Variants in PRH1 observed in about 807,000 individuals in gnomAD.
PRH1 encodes salivary acidic proline-rich phosphoprotein 1/2.
In PRH1, 7 loss-of-function variants were observed where a neutral mutation model predicts 7.9. The observed-to-expected ratio is 0.89, with a 90% CI of 0.50 to 1.67. The LOEUF (loss-of-function observed/expected upper bound fraction) is 1.67, where lower values mean the gene tolerates loss of function less well. Ranked by LOEUF, PRH1 falls within the 40% of genes most tolerant of loss-of-function variation. The pLI is 0.00. For synonymous variants in PRH1, 45 were observed against 80.8 expected (o/e 0.56, Z 2.38); for missense variants, 109 against 223.6 (o/e 0.49, Z 3.27).
chr12:11,131,083 AC>A (rs1183361065), intron 1 of PRH1, among the ~76,000 whole-genome samples: 1 of 151,234 alleles, frequency 6.6e-6, no homozygotes, highest in African/African-American at 2.4e-5. Flanking sequence ...CCACCAAGGG[AC>A]TGGATGATGT....
chr12:10,970,862 G>A (rs1386426553), intron 2 of PRH1, among the ~76,000 whole-genome samples: 7 of 151,958 alleles, frequency 4.6e-5, no homozygotes, highest in South Asian at 4.2e-4. Context: ...CACTTTGCCC[G>A]GCCCTAAAAT....
At chr12:10,952,324 T>C (rs1251287765) in intron 2 of PRH1, among the ~76,000 whole-genome samples, 1 of 152,172 alleles carries the variant, frequency 6.6e-6, no homozygotes, top group Non-Finnish European at 1.5e-5. Flanking sequence ...AAGGACCACC[T>C]GAAATGAAAT....
At chr12:11,066,009 C>G (rs1257157255) in intron 1 of PRH1, among the ~76,000 whole-genome samples, 1 of 152,186 alleles carries the variant, frequency 6.6e-6, no homozygotes, top group Non-Finnish European at 1.5e-5. Flanking sequence ...CCTTTCTATT[C>G]CATGATTTAA....
intron 1 of PRH1, among the ~76,000 whole-genome samples, chr12:11,128,638 C>A (rs1057437614): frequency 2.0e-5 from 3 of 150,584 alleles, no homozygotes; most frequent in East Asian, 2.0e-4. Context: ...CCGAGCCACT[C>A]GGTGACTGCA....
At chr12:11,164,115 C>A (rs1947500115) in intron 1 of PRH1, among the ~76,000 whole-genome samples, 1 of 152,136 alleles carries the variant, frequency 6.6e-6, no homozygotes, top group Admixed American at 6.5e-5. Context: ...TTAAAGAATA[C>A]CCGTATAACT....
chr12:11,060,008 G>C (rs1565606151), intron 1 of PRH1, among the ~76,000 whole-genome samples: 1 of 150,870 alleles, frequency 6.6e-6, no homozygotes. Context: ...ACAGAGATGA[G>C]ATCATCTCTG....
At chr12:10,983,726 G>A (rs928274344) in intron 1 of PRH1, among the ~76,000 whole-genome samples, 3 of 152,146 alleles carry the variant, frequency 2.0e-5, no homozygotes, top group Admixed American at 6.5e-5. Flanking sequence ...AAAAGTACTG[G>A]GAGTCAAGTC....
intron 1 of PRH1, among the ~76,000 whole-genome samples, chr12:11,152,568 T>C (rs1947133306): frequency 6.6e-6 from 1 of 152,208 alleles, no homozygotes; most frequent in African/African-American, 2.4e-5. Context: ...TCTCCACTTT[T>C]ATGTTTATTG....
At chr12:10,994,871 CAATAG>C (rs1181194531) in intron 1 of PRH1, among the ~76,000 whole-genome samples, 1 of 152,046 alleles carries the variant, frequency 6.6e-6, no homozygotes, top group Non-Finnish European at 1.5e-5. Context: ...ATATCATTCG[CAATAG>C]AAAAGATATG....
chr12:10,999,044 C>A (rs1294320790), intron 1 of PRH1, among the ~76,000 whole-genome samples: 1 of 152,078 alleles, frequency 6.6e-6, no homozygotes, highest in Non-Finnish European at 1.5e-5. Context: ...TAACTAGATC[C>A]AAGAGGCAAA....
rs1364931946 is a variant in PRH1 at position 10,941,201 on chromosome 12, G to A, written c.-59+32454C>T. 3.3e-5 allele frequency among the ~76,000 whole-genome samples: 5 copies of A among 152,288 alleles called. No homozygotes were observed. In the South Asian group the frequency reaches 6.2e-4, roughly 19 times the overall value. On this transcript the variant is annotated intron_variant, in intron 2 of 3. Coordinates refer to the PRH1 transcript ENST00000539853. Reference sequence around the variant, plus strand: ...ACTTTGAAAAGAGAGCAGAGCTCACGTCTCCAGTGAGAGCTACAATAACCC... The same window carrying A: ...ACTTTGAAAAGAGAGCAGAGCTCACATCTCCAGTGAGAGCTACAATAACCC...
intron 1 of PRH1, chr12:11,031,422 T>C: frequency 6.7e-7 from 1 of 1,486,824 alleles, no homozygotes; most frequent in Non-Finnish European, 9.0e-7. Context: ...CTCCCTGACT[T>C]CAAAAATGGA....
chr12:11,128,208 C>T (rs1166257054), intron 1 of PRH1, among the ~76,000 whole-genome samples: 2 of 151,902 alleles, frequency 1.3e-5, no homozygotes, highest in African/African-American at 4.8e-5. Context: ...AGAATTTACA[C>T]TTCTCTGTGT....
chr12:10,888,669 G>A (rs958906836), upstream of PRH1, among the ~76,000 whole-genome samples: 2 of 151,988 alleles, frequency 1.3e-5, no homozygotes, highest in African/African-American at 2.4e-5. Context: ...CTCCTATGGG[G>A]CCACTGAAAG....
intron 1 of PRH1, among the ~76,000 whole-genome samples, chr12:11,126,421 T>C (rs949904923): frequency 3.3e-5 from 5 of 152,248 alleles, no homozygotes; most frequent in Non-Finnish European, 7.3e-5. Flanking sequence ...CATTTTCCTT[T>C]TTATTAACAT....
At chr12:10,967,766 A>C (rs1387569698) in intron 2 of PRH1, among the ~76,000 whole-genome samples, 1 of 152,226 alleles carries the variant, frequency 6.6e-6, no homozygotes, top group Non-Finnish European at 1.5e-5. Context: ...TACCTCAATT[A>C]CAAATACACC....
chr12:11,058,694 A>AT (rs1316218854), intron 1 of PRH1, among the ~76,000 whole-genome samples: 12 of 44,022 alleles, frequency 2.7e-4, no homozygotes, highest in African/African-American at 5.5e-4. Flanking sequence ...TTAGAGGCAT[A>AT]CATAGTGGGC....
At chr12:10,945,577 C>T (rs573189672) in intron 2 of PRH1, among the ~76,000 whole-genome samples, 8 of 152,192 alleles carry the variant, frequency 5.3e-5, no homozygotes, top group Admixed American at 1.3e-4. Flanking sequence ...GGAGGCAGGG[C>T]GAGATCACAG....
chr12:10,968,146 A>G (rs996032566), intron 2 of PRH1, among the ~76,000 whole-genome samples: 1 of 152,188 alleles, frequency 6.6e-6, no homozygotes, highest in African/African-American at 2.4e-5. Flanking sequence ...GAAATGGTTT[A>G]TCTCTCTGAT....
Sources: allele counts gnomAD v4.1 joint callset (sites outside exome capture counted in the v4.1 genomes callset), GRCh38; gene constraint gnomAD v4.1.1; transcripts MANE v1.5; gene names NCBI Gene and HGNC (gene_info 2026-07-23, HGNC 2026-07-21).